GRM7: variants seen among roughly 807,000 people sequenced by gnomAD.
The protein encoded by GRM7 is glutamate metabotropic receptor 7.
Under a neutral mutation model 84.5 loss-of-function variants are expected in GRM7, and 35 were observed. The ratio of observed to expected loss-of-function variants is 0.41; its 90% CI spans 0.32 to 0.55. The LOEUF is 0.55. Ranked by LOEUF, GRM7 falls within the 20% of genes least tolerant of loss-of-function variation. The pLI is 0.19. For synonymous variants in GRM7, 487 were observed against 455.1 expected (o/e 1.07, Z -0.89); for missense variants, 1,003 against 1,194.6 (o/e 0.84, Z 2.36).
intron 4 of GRM7, among the ~76,000 whole-genome samples, chr3:7,406,982 A>G (rs1168924459): frequency 2.0e-5 from 3 of 152,228 alleles, no homozygotes; most frequent in African/African-American, 7.2e-5. Context: ...TTAATACAGC[A>G]TAGTGTGGAA....
intron 7 of GRM7, among the ~76,000 whole-genome samples, chr3:7,491,410 T>G (rs1170924106): frequency 1.0e-5 from 1 of 98,556 alleles, no homozygotes; most frequent in Non-Finnish European, 2.1e-5. Flanking sequence ...ATGATTTAGA[T>G]GGTATATATA....
At chr3:6,915,645 G>A (rs1438583949) in intron 1 of GRM7, among the ~76,000 whole-genome samples, 1 of 152,088 alleles carries the variant, frequency 6.6e-6, no homozygotes, top group African/African-American at 2.4e-5. Flanking sequence ...TTCTTTCTAT[G>A]TATTCATTGA....
At chr3:7,343,278 G>T (rs189099855) in intron 4 of GRM7, among the ~76,000 whole-genome samples, 8 of 151,996 alleles carry the variant, frequency 5.3e-5, no homozygotes, top group African/African-American at 1.7e-4. Flanking sequence ...CTGTTGCCCA[G>T]ACTGGAGTGC....
chr3:6,967,499 C>A (rs1397602307), intron 1 of GRM7, among the ~76,000 whole-genome samples: 10 of 152,190 alleles, frequency 6.6e-5, no homozygotes, highest in African/African-American at 2.4e-4. Context: ...CTGGCTCGGA[C>A]TTACTGATTT....
intron 2 of GRM7, among the ~76,000 whole-genome samples, chr3:7,274,785 T>G (rs1262641276): frequency 1.3e-5 from 2 of 152,092 alleles, no homozygotes; most frequent in African/African-American, 4.8e-5. Context: ...TGTCATTTTT[T>G]CTGGTTGGTG....
chr3:7,541,891 T>C (rs1174141460), intron 7 of GRM7, among the ~76,000 whole-genome samples: 1 of 152,180 alleles, frequency 6.6e-6, no homozygotes, highest in Non-Finnish European at 1.5e-5. Context: ...ATCAAGAGCA[T>C]TGCCATACTC....
intron 1 of GRM7, among the ~76,000 whole-genome samples, chr3:7,016,575 T>C (rs1162727865): frequency 1.3e-5 from 2 of 152,174 alleles, no homozygotes; most frequent in Admixed American, 1.3e-4. Flanking sequence ...AAGTTACAAA[T>C]TGTAAGACTA....
At chr3:7,434,507 G>A (rs1696962417) in intron 5 of GRM7, among the ~76,000 whole-genome samples, 1 of 152,144 alleles carries the variant, frequency 6.6e-6, no homozygotes, top group Non-Finnish European at 1.5e-5. Flanking sequence ...GGGTGAATGT[G>A]TCAAATGGAT....
At chr3:6,978,719 G>A (rs1045055032) in intron 1 of GRM7, among the ~76,000 whole-genome samples, 4 of 152,018 alleles carry the variant, frequency 2.6e-5, no homozygotes, top group Non-Finnish European at 4.4e-5. Flanking sequence ...GTGGCATAAC[G>A]GGAAAGGAAA....
chr3:7,417,802 T>C (rs1329032285), intron 5 of GRM7, among the ~76,000 whole-genome samples: 2 of 152,086 alleles, frequency 1.3e-5, no homozygotes, highest in African/African-American at 4.8e-5. Flanking sequence ...GGTAGCCTCC[T>C]TAGCCATACT....
chr3:7,110,993 G>A (rs898958914), intron 1 of GRM7, among the ~76,000 whole-genome samples: 2 of 152,118 alleles, frequency 1.3e-5, no homozygotes, highest in Admixed American at 1.3e-4. Flanking sequence ...GGAGGGGAAG[G>A]AGAGATGGCA....
At chr3:7,642,585 G>C (rs1001548326) in intron 8 of GRM7, among the ~76,000 whole-genome samples, 14 of 152,062 alleles carry the variant, frequency 9.2e-5, no homozygotes, top group African/African-American at 3.1e-4. Flanking sequence ...ATAAGGTCAC[G>C]GGACTGTATT....
At chr3:7,565,008 C>T (rs556092814) in intron 7 of GRM7, among the ~76,000 whole-genome samples, 1 of 152,256 alleles carries the variant, frequency 6.6e-6, no homozygotes, top group South Asian at 2.1e-4. Flanking sequence ...TTCATTTGTC[C>T]TCCACCTAGT....
chr3:7,421,536 T>TG (rs1696392850), intron 5 of GRM7, among the ~76,000 whole-genome samples: 1 of 150,258 alleles, frequency 6.7e-6, no homozygotes, highest in South Asian at 2.2e-4. Flanking sequence ...TACAAAGAGA[T>TG]TTTTTTTTAA....
chr3:6,864,521 C>T (rs1376312254), intron 1 of GRM7, among the ~76,000 whole-genome samples: 3 of 152,166 alleles, frequency 2.0e-5, no homozygotes, highest in Non-Finnish European at 4.4e-5. Context: ...TATAGTGAAT[C>T]TTGTCGGGGA....
chr3:7,420,478 G>A (rs1696349282), intron 5 of GRM7, among the ~76,000 whole-genome samples: 1 of 152,072 alleles, frequency 6.6e-6, no homozygotes, highest in South Asian at 2.1e-4. Context: ...AATGTCAAAT[G>A]CATTTTTACA....
intron 1 of GRM7, among the ~76,000 whole-genome samples, chr3:7,009,057 T>C (rs1463042329): frequency 1.3e-5 from 2 of 152,190 alleles, no homozygotes; most frequent in African/African-American, 4.8e-5. Context: ...AGAAATAATT[T>C]CAAAATTATC....
chr3:6,997,080 G>A (rs1247423281), intron 1 of GRM7, among the ~76,000 whole-genome samples: 1 of 152,046 alleles, frequency 6.6e-6, no homozygotes, highest in Admixed American at 6.6e-5. Flanking sequence ...TTCTCTCTGT[G>A]AGAGAAGATA....
chr3:7,015,388 G>A lies in GRM7; in HGVS notation c.520-131064G>A, dbSNP rs149464782. Among the ~76,000 whole-genome samples the A allele has an allele frequency of 2.6e-4, 40 of 152,320 alleles. No individual in the cohort carries two copies. The East Asian group carries it at 7.3e-3, about 28-fold the overall frequency. On this transcript the variant is annotated intron_variant, in intron 1 of 9. Transcript: ENST00000357716. The stretch of plus-strand genomic sequence containing the variant: ...GATGGGTAGATGAATGAATGTGAGA[G>A]TGAATGAGTAATTTAATGAGTAAAT...
Sources: allele counts gnomAD v4.1 joint callset (sites outside exome capture counted in the v4.1 genomes callset), GRCh38; gene constraint gnomAD v4.1.1; transcripts MANE v1.5; gene names NCBI Gene and HGNC (gene_info 2026-07-23, HGNC 2026-07-21).